RND3: variants seen among roughly 807,000 people sequenced by gnomAD.
RND3 encodes Rho family GTPase 3.
Under a neutral mutation model 26.5 loss-of-function variants are expected in RND3, and 8 were observed. The observed-to-expected ratio is 0.30, with a 90% CI of 0.18 to 0.54. The LOEUF (loss-of-function observed/expected upper bound fraction) is 0.54, where lower values mean the gene tolerates loss of function less well. Ranked by LOEUF, RND3 falls within the 20% of genes least tolerant of loss-of-function variation. RND3 has a pLI of 0.94. For synonymous variants in RND3, 113 were observed against 113.0 expected (o/e 1.00, Z 0.00); for missense variants, 207 against 302.8 (o/e 0.68, Z 2.35).
At chr2:150,487,181 A>C in intron 2 of RND3, 87 bp downstream of exon 2, 1 of 911,438 alleles carries the variant, frequency 1.1e-6, no homozygotes, top group Non-Finnish European at 1.5e-6. Flanking sequence ...TTTTTAAGGG[A>C]AAACGGATGA....
chr2:150,483,566 C>T (rs1325504945), intron 3 of RND3, among the ~76,000 whole-genome samples: 1 of 152,092 alleles, frequency 6.6e-6, no homozygotes, highest in Non-Finnish European at 1.5e-5. Context: ...ATTATTTTTA[C>T]AATCTGAACT....
intron 3 of RND3, among the ~76,000 whole-genome samples, chr2:150,478,306 C>T (rs1321796372): frequency 6.6e-6 from 1 of 151,884 alleles, no homozygotes; most frequent in Non-Finnish European, 1.5e-5. Context: ...TCCTTTTCTT[C>T]CCCATAAAGC....
Position 150,487,149 on chromosome 2 carries a change from CT to C in RND3, c.150+118del, listed in dbSNP as rs144401566. ...GGAAAGTAGTAAGGACCGAGAAAGACTTTTTTTTTTCTTTTTTTTTTTTTTT... is the reference window on the plus strand; with the variant it reads ...GGAAAGTAGTAAGGACCGAGAAAGACTTTTTTTTTCTTTTTTTTTTTTTTT... On this transcript the variant is annotated intron_variant, in intron 2 of 5. Transcript: ENST00000263895. 327 of 550,366 alleles carry C rather than the reference CT, an allele frequency of 5.9e-4. 2 individuals are homozygous for C. The highest frequency in any genetic ancestry group is 5.2e-3 in the South Asian group (133 of 25,572). 34.1% of individuals were successfully genotyped at this position (550,366 alleles called of 1,614,324 possible).
At chr2:150,470,341 G>C in intron 5 of RND3, 103 bp from the exon 6 acceptor site, 1 of 1,265,488 alleles carries the variant, frequency 7.9e-7, no homozygotes, top group South Asian at 1.5e-5. Flanking sequence ...CAAAACGTTT[G>C]CTGATATGTT....
intron 4 of RND3, among the ~76,000 whole-genome samples, chr2:150,473,455 T>C (rs1292386312): frequency 6.6e-6 from 1 of 152,166 alleles, no homozygotes; most frequent in Non-Finnish European, 1.5e-5. Context: ...GAACTAGACA[T>C]GTTGTTATGT....
At chr2:150,484,395 C>T (rs553328899) in intron 3 of RND3, among the ~76,000 whole-genome samples, 10 of 152,312 alleles carry the variant, frequency 6.6e-5, no homozygotes, top group African/African-American at 2.2e-4. Flanking sequence ...ATCAATTTAG[C>T]CCTTTAGGCA....
At chr2:150,477,963 C>A (rs1686194487) in intron 3 of RND3, among the ~76,000 whole-genome samples, 1 of 151,974 alleles carries the variant, frequency 6.6e-6, no homozygotes, top group Non-Finnish European at 1.5e-5. Context: ...AAACTGATTC[C>A]CATATTTCTT....
intron 3 of RND3, among the ~76,000 whole-genome samples, chr2:150,478,578 G>GAAAA (rs752844515): frequency 0.02 from 1,493 of 74,112 alleles, 36 homozygotes; most frequent in African/African-American, 0.091. Context: ...AAGCCAAACG[G>GAAAA]CAAAAAAAAA....
chr2:150,482,628 G>T (rs939932867), intron 3 of RND3, among the ~76,000 whole-genome samples: 2 of 146,974 alleles, frequency 1.4e-5, no homozygotes, highest in Non-Finnish European at 3.0e-5. Context: ...CAAAGGTTTT[G>T]TTTACTTTTG....
rs547625263 is a variant in RND3 at position 150,472,817 on chromosome 2, A to G, written c.349-1056T>C. Among the ~76,000 whole-genome samples, 6 of 152,306 alleles carry G rather than the reference A, an allele frequency of 3.9e-5. No individual in the cohort carries two copies. The East Asian group carries it at 9.6e-4, about 24-fold the overall frequency. Reference sequence around the variant, plus strand: ...GGGGTGATGAAGTCATGTATTAAGTATAACACTAGATAAGAGGGACATCCT... The same window carrying G: ...GGGGTGATGAAGTCATGTATTAAGTGTAACACTAGATAAGAGGGACATCCT... On this transcript the variant is annotated intron_variant, in intron 4 of 5. Coordinates refer to ENST00000263895, the MANE Select transcript of RND3 (RefSeq NM_005168.5).
intron 5 of RND3, 69 bp downstream of exon 5, chr2:150,471,558 A>G (rs748092273): frequency 2.0e-5 from 26 of 1,304,122 alleles, no homozygotes; most frequent in Non-Finnish European, 2.5e-5. Context: ...TATTTTATTT[A>G]TTATGAGTGA....
Position 150,487,474 on chromosome 2 carries a change from A to AAAAAAATATATATATATATATAT in RND3, c.-38-20_-38-19insATATATATATATATATATTTTTT. 2.8e-4 allele frequency: 56 copies of AAAAAAATATATATATATATATAT among 200,766 alleles called. No individual in the cohort carries two copies. Among genetic ancestry groups the AAAAAAATATATATATATATATAT allele is most frequent in the East Asian group, 7.3e-4 (6 of 8,240 alleles). The allele number at this position is 200,766 out of a possible 1,614,324, so 12.4% of individuals were successfully genotyped here. On this transcript the variant is annotated intron_variant, in intron 1 of 5. Transcript: ENST00000263895. ...ATTTTCTCTTAAGAAGAAAAAAAAAAATATATATATATATATATATTTCTC... is the reference window on the plus strand; with the variant it reads ...ATTTTCTCTTAAGAAGAAAAAAAAAAAAAAAATATATATATATATATATATATATATATATATATATATTTCTC...
intron 3 of RND3, among the ~76,000 whole-genome samples, chr2:150,482,237 T>C (rs1377181382): frequency 6.6e-6 from 1 of 152,212 alleles, no homozygotes; most frequent in East Asian, 1.9e-4. Context: ...GAATGAATGA[T>C]TATTACTCCC....
chr2:150,472,866 T>C (rs1467318954), intron 4 of RND3, among the ~76,000 whole-genome samples: 1 of 152,118 alleles, frequency 6.6e-6, no homozygotes, highest in Non-Finnish European at 1.5e-5. Context: ...AAAAGATCAC[T>C]AGAGGAGACA....
intron 3 of RND3, among the ~76,000 whole-genome samples, chr2:150,484,693 A>T (rs1295485850): frequency 6.6e-6 from 1 of 152,222 alleles, no homozygotes; most frequent in Admixed American, 6.5e-5. Flanking sequence ...AGAAGTGTAC[A>T]GCTGGGAGAG....
chr2:150,472,594 G>A (rs1486149287), intron 4 of RND3, among the ~76,000 whole-genome samples: 2 of 152,124 alleles, frequency 1.3e-5, no homozygotes, highest in African/African-American at 4.8e-5. Context: ...CAACAGCATG[G>A]GAGTCAAGAG....
At chr2:150,482,901 A>C (rs1686299328) in intron 3 of RND3, among the ~76,000 whole-genome samples, 1 of 152,148 alleles carries the variant, frequency 6.6e-6, no homozygotes, top group Admixed American at 6.5e-5. Flanking sequence ...ATACACGCTA[A>C]ACCAGAAGAG....
At chr2:150,472,235 C>A (rs1275441779) in intron 4 of RND3, among the ~76,000 whole-genome samples, 1 of 152,156 alleles carries the variant, frequency 6.6e-6, no homozygotes, top group Non-Finnish European at 1.5e-5. Context: ...TCATGAAACA[C>A]TGAAGCATGC....
At chr2:150,477,311 T>C (rs1686186304) in intron 3 of RND3, among the ~76,000 whole-genome samples, 1 of 152,212 alleles carries the variant, frequency 6.6e-6, no homozygotes, top group Admixed American at 6.5e-5. Flanking sequence ...GTTAGAGTAC[T>C]CACTGCTAAT....
Sources: allele counts gnomAD v4.1 joint callset (sites outside exome capture counted in the v4.1 genomes callset), GRCh38; gene constraint gnomAD v4.1.1; transcripts MANE v1.5; gene names NCBI Gene and HGNC (gene_info 2026-07-23, HGNC 2026-07-21).